Variants in IST1 observed in about 807,000 individuals in gnomAD.
IST1 encodes IST1 homolog.
Under a neutral mutation model 37.0 loss-of-function variants are expected in IST1, and 23 were observed. The observed-to-expected ratio is 0.62, with a 90% confidence interval of 0.45 to 0.88. The LOEUF is 0.88. Among genes scored for constraint, IST1 ranks in the 40% least tolerant of loss-of-function variants. IST1 has a pLI of 0.00. For missense variants in IST1, 488 were observed against 445.4 expected (o/e 1.10, Z -0.86); for synonymous variants, 180 against 161.7 (o/e 1.11, Z -0.86).
chr16:71,894,716 T>G (rs1369111389), upstream of IST1: 4 of 557,100 alleles, frequency 7.2e-6, no homozygotes, highest in African/African-American at 2.0e-5. Flanking sequence ...TTTTTTTTTT[T>G]GTAGCGATGC....
At position 71,929,637 on chromosome 16, in the gene IST1, T is replaced by G; in HGVS notation, c.*1824T>G. On this transcript the variant is annotated 3_prime_UTR_variant, in exon 10 of 10. Transcript: ENST00000378799. ...GGGGCCAACTGATTCCTAACAAATT[T>G]GAGAGCTTCTGTAGCAGTGTATCTA... 1.3e-6 allele frequency: 2 copies of G among 1,551,826 alleles called. No individual in the cohort carries two copies. The highest frequency in any genetic ancestry group is 2.4e-5 in the East Asian group (1 of 40,920).
chr16:71,924,412 G>A (rs1243344740), intron 8 of IST1: 6 of 401,004 alleles, frequency 1.5e-5, no homozygotes, highest in South Asian at 2.1e-5. Flanking sequence ...GCAACATGGC[G>A]AAACCCTGTC....
At chr16:71,896,886 T>G (rs565810013) in intron 1 of IST1, among the ~76,000 whole-genome samples, 1 of 152,034 alleles carries the variant, frequency 6.6e-6, no homozygotes, top group South Asian at 2.1e-4. Flanking sequence ...GAGGATTGCT[T>G]GAGCCTGGGA....
At chr16:71,926,239 G>C (rs1480012971) in intron 9 of IST1, among the ~76,000 whole-genome samples, 2 of 149,660 alleles carry the variant, frequency 1.3e-5, no homozygotes, top group Non-Finnish European at 3.0e-5. Flanking sequence ...CCAAGATTAT[G>C]CCATTGCACT....
At position 71,929,484 on chromosome 16, in the gene IST1, AAAGAT is replaced by A; in HGVS notation, c.*1675_*1679del. 6.9e-7 allele frequency: 1 copy of A among 1,454,660 alleles called. No individual in the cohort carries two copies. The highest frequency in any genetic ancestry group is 1.8e-4 in the Middle Eastern group (1 of 5,644). The allele number at this position is 1,454,660 out of a possible 1,614,324, so 90.1% of individuals were successfully genotyped here. A position where few individuals can be genotyped will look rare whatever the true frequency, so the allele number is the denominator to read the frequency against. ...TTATAATTTTAAAGCTATGCCATGC[AAAGAT>A]AAGTAGTAATACGCTAATAAATACT... On this transcript the variant is annotated 3_prime_UTR_variant, in exon 10 of 10. Coordinates refer to ENST00000378799, the MANE Select transcript of IST1 (RefSeq NM_001270975.2).
chr16:71,924,002 G>A (rs994583906), intron 8 of IST1: 14 of 400,530 alleles, frequency 3.5e-5, no homozygotes, highest in African/African-American at 1.3e-4. Context: ...ACAAATTGGT[G>A]TGGCATTTGC....
chr16:71,918,607 G>T (rs1417265130), intron 4 of IST1, among the ~76,000 whole-genome samples: 3 of 151,948 alleles, frequency 2.0e-5, no homozygotes, highest in Non-Finnish European at 2.9e-5. Flanking sequence ...TGGTAGAGAC[G>T]GGATTTCATC....
intron 1 of IST1, among the ~76,000 whole-genome samples, chr16:71,908,523 C>T (rs1597240345): frequency 1.3e-5 from 2 of 152,096 alleles, no homozygotes; most frequent in South Asian, 4.1e-4. Flanking sequence ...TCTCGAATAC[C>T]ACCCGCCTTG....
intron 1 of IST1, among the ~76,000 whole-genome samples, chr16:71,908,273 G>C (rs892586744): frequency 7.5e-6 from 1 of 134,142 alleles, no homozygotes; most frequent in South Asian, 2.7e-4. Flanking sequence ...CCATTCAAGA[G>C]AAATTTCCCT....
chr16:71,900,757 A>G (rs1000338976), intron 1 of IST1, among the ~76,000 whole-genome samples: 1 of 152,128 alleles, frequency 6.6e-6, no homozygotes, highest in Admixed American at 6.6e-5. Context: ...ATAATTGCTT[A>G]CTTGTCTTAT....
At chr16:71,910,922 A>G (rs1183135784) in intron 1 of IST1, among the ~76,000 whole-genome samples, 1 of 152,120 alleles carries the variant, frequency 6.6e-6, no homozygotes, top group Non-Finnish European at 1.5e-5. Context: ...CCATGCATTT[A>G]TATATGTGTA....
chr16:71,930,522 A>T lies in IST1; in HGVS notation c.*2709A>T, dbSNP rs1032441393. Reference sequence around the variant, plus strand: ...AAAAGTGGGAGGGGGGTAAGCAAACACTGAAAGATTAAATGCATACCAGAA... The same window carrying T: ...AAAAGTGGGAGGGGGGTAAGCAAACTCTGAAAGATTAAATGCATACCAGAA... On this transcript the variant is annotated 3_prime_UTR_variant, in exon 10 of 10. Transcript: ENST00000378799. 5.6e-6 allele frequency: 1 copy of T among 178,414 alleles called. No homozygotes were observed. Among genetic ancestry groups the T allele is most frequent in the African/African-American group, 2.4e-5 (1 of 42,498 alleles). 11.1% of individuals were successfully genotyped at this position (178,414 alleles called of 1,614,324 possible).
chr16:71,916,530 C>G lies in IST1; in HGVS notation c.157C>G (p.Arg53Gly), dbSNP rs370269917. The G allele has an allele frequency of 2.5e-6, 4 of 1,613,630 alleles. No individual in the cohort carries two copies. The highest frequency in any genetic ancestry group is 1.3e-5 in the African/African-American group (1 of 74,892). ...GGCTGCTGGGAAAGATGAACGAGCT[C>G]GGATCCGTGTGGAGCACATTATCCG... is the stretch of plus-strand genomic sequence containing the variant. ...YLAAGKDERA[R>G]IRVEHIIRED... is the part of the protein sequence containing the mutation. Residue 53 changes from arginine to glycine, a missense_variant, in exon 3 of 10, where the codon CGG becomes GGG. By Grantham distance (125) the Arg-to-Gly change is moderately radical. Coordinates refer to ENST00000378799, the MANE Select transcript of IST1 (RefSeq NM_001270975.2).
intron 1 of IST1, among the ~76,000 whole-genome samples, chr16:71,901,542 C>T (rs1406548822): frequency 6.6e-6 from 1 of 152,086 alleles, no homozygotes; most frequent in Admixed American, 6.6e-5. Flanking sequence ...CGTTTTTAGT[C>T]TGATTTATTT....
chr16:71,925,300 C>T (rs1368397483), intron 9 of IST1, among the ~76,000 whole-genome samples: 1 of 146,658 alleles, frequency 6.8e-6, no homozygotes, highest in Non-Finnish European at 1.5e-5. Flanking sequence ...CAGACATGAG[C>T]CACTGCCCCC....
At chr16:71,906,945 A>C (rs2037237406) in intron 1 of IST1, among the ~76,000 whole-genome samples, 1 of 151,994 alleles carries the variant, frequency 6.6e-6, no homozygotes, top group Non-Finnish European at 1.5e-5. Context: ...CAGGGGAATC[A>C]CTTGAACCTG....
Position 71,920,731 on chromosome 16 carries a change from C to G in IST1, c.358-8C>G, listed in dbSNP as rs764681419. Reference sequence around the variant, plus strand: ...TCTATTTTTATTTGCTGTCCTTTTTCTTTTTAGGTTGCTGATCAGCTCTGT... The same window carrying G: ...TCTATTTTTATTTGCTGTCCTTTTTGTTTTTAGGTTGCTGATCAGCTCTGT... On this transcript the variant is annotated splice_polypyrimidine_tract_variant and splice_region_variant and intron_variant, in intron 4 of 9. Coordinates refer to ENST00000378799, the MANE Select transcript of IST1 (RefSeq NM_001270975.2). 1 of 1,609,750 alleles carries G rather than the reference C, an allele frequency of 6.2e-7. No individual in the cohort carries two copies.
At chr16:71,922,029 C>G (rs180951091) in intron 6 of IST1, among the ~76,000 whole-genome samples, 3 of 152,124 alleles carry the variant, frequency 2.0e-5, no homozygotes, top group Admixed American at 1.3e-4. Flanking sequence ...CTCAGCTACT[C>G]GGGAGGCTGA....
intron 9 of IST1, among the ~76,000 whole-genome samples, chr16:71,925,316 A>ATTTTT (rs772300347): frequency 6.3e-4 from 50 of 78,812 alleles, no homozygotes; most frequent in African/African-American, 2.3e-3. Flanking sequence ...CCCCCAGCTG[A>ATTTTT]TTTTTTTTTT....
Sources: allele counts gnomAD v4.1 joint callset (sites outside exome capture counted in the v4.1 genomes callset), GRCh38; gene constraint gnomAD v4.1.1; transcripts MANE v1.5; gene names NCBI Gene and HGNC (gene_info 2026-07-23, HGNC 2026-07-21).